SEPTIN9: variants seen among roughly 807,000 people sequenced by gnomAD.
The protein encoded by SEPTIN9 is septin-9.
A neutral mutation model predicts 56.6 loss-of-function variants in SEPTIN9; 13 were observed. The ratio of observed to expected loss-of-function variants is 0.23; its 90% CI spans 0.15 to 0.37. The LOEUF is 0.37. Ranked by LOEUF, SEPTIN9 falls within the 10% of genes least tolerant of loss-of-function variation. The pLI, the probability that SEPTIN9 is intolerant of heterozygous loss-of-function variation, is 1.00. For synonymous variants in SEPTIN9, 332 were observed against 334.1 expected (o/e 0.99, Z 0.07); for missense variants, 650 against 823.1 (o/e 0.79, Z 2.57).
At position 77,402,206 on chromosome 17, in the gene SEPTIN9, C is replaced by T. The variant is rs2035923133; in HGVS notation, c.224C>T (p.Ala75Val). The part of the protein sequence containing the change: ...DLGVKNSEPS[A>V]RHVDSLSQRS... ...GGCGTGAAGAACTCAGAACCCTCGG[C>T]CCGCCATGTGGACTCCCTAAGCCAA... Residue 75 changes from alanine (A) to valine (V), a missense_variant, in exon 3 of 12, where the codon GCC becomes GTC. Physicochemically the swap from Ala to Val is moderately conservative, Grantham distance 64 (BLOSUM62 0). This residue lies in a region of SEPTIN9 where 317 missense variants were observed against 329.1 expected (regional missense o/e 0.96). Transcript: ENST00000427177. The surrounding 1 kb of genome is among the most constrained non-coding windows in gnomAD (Gnocchi z 6.6). 6.2e-7 allele frequency: 1 copy of T among 1,613,586 alleles called. No homozygotes were observed. Among genetic ancestry groups the T allele is most frequent in the Non-Finnish European group, 8.5e-7 (1 of 1,179,888 alleles).
chr17:77,482,477 C>A, intron 4 of SEPTIN9, 142 bp downstream of exon 4: 1 of 867,494 alleles, frequency 1.2e-6, no homozygotes. Flanking sequence ...TTGCCAGTGA[C>A]ATTGCGTGTG....
At chr17:77,378,510 G>A (rs536797955) in intron 2 of SEPTIN9, among the ~76,000 whole-genome samples, 18 of 152,236 alleles carry the variant, frequency 1.2e-4, no homozygotes, top group Admixed American at 2.6e-4. Context: ...GCATCTGGGC[G>A]GGAAAAGGGG....
intron 2 of SEPTIN9, among the ~76,000 whole-genome samples, chr17:77,340,378 T>G (rs1168456745): frequency 1.3e-5 from 2 of 152,182 alleles, no homozygotes; most frequent in Non-Finnish European, 2.9e-5. Flanking sequence ...TGACCTCAAG[T>G]GATCCCCCCG....
chr17:77,404,882 G>GT (rs1357166700), intron 3 of SEPTIN9, among the ~76,000 whole-genome samples: 3 of 152,238 alleles, frequency 2.0e-5, no homozygotes, highest in African/African-American at 7.2e-5. Context: ...CTCAGTGACA[G>GT]TGGTTGCTGG....
intron 2 of SEPTIN9, among the ~76,000 whole-genome samples, chr17:77,362,146 G>T (rs2034438951): frequency 6.6e-6 from 1 of 152,248 alleles, no homozygotes; most frequent in South Asian, 2.1e-4. Flanking sequence ...ATGTGGATTT[G>T]GGGGCAGAGG....
At position 77,405,264 on chromosome 17, in the gene SEPTIN9, G is replaced by GCTT. The variant is rs1568042955; in HGVS notation, c.721+2562_721+2564dup. 2.6e-6 allele frequency: 2 copies of GCTT among 766,102 alleles called. No individual in the cohort carries two copies. Among genetic ancestry groups the GCTT allele is most frequent in the Non-Finnish European group, 4.2e-6 (2 of 481,108 alleles). 47.5% of individuals were successfully genotyped at this position (766,102 alleles called of 1,614,324 possible). ...CCCAGGGACACAACCTGCGGGCTCT[G>GCTT]CTTTCTGGAGCTCACCGAGCCGTGA... On this transcript the variant is annotated intron_variant, in intron 3 of 11. Transcript: ENST00000427177. The surrounding 1 kb of genome is among the most constrained non-coding windows in gnomAD (Gnocchi z 5.8).
At chr17:77,354,318 G>T (rs2034154020) in intron 2 of SEPTIN9, among the ~76,000 whole-genome samples, 1 of 152,158 alleles carries the variant, frequency 6.6e-6, no homozygotes, top group African/African-American at 2.4e-5. Context: ...TACCTTACAC[G>T]CACATGAACG....
At chr17:77,373,607 G>T (rs1251948649) in intron 2 of SEPTIN9, 36 of 1,530,846 alleles carry the variant, frequency 2.4e-5, no homozygotes, top group Non-Finnish European at 3.1e-5. Flanking sequence ...GACCCTGCGG[G>T]TGGGCCTGGC....
At position 77,450,484 on chromosome 17, in the gene SEPTIN9, G is replaced by T; in HGVS notation, c.722-31660G>T. On this transcript the variant is annotated intron_variant, in intron 3 of 11. Coordinates refer to ENST00000427177, the MANE Select transcript of SEPTIN9 (RefSeq NM_001113491.2). This position sits in a 1 kb window ranked among gnomAD's most constrained non-coding sequence, Gnocchi z 6.0. ...CCTCGGAACGAGCCCACTCCCAGGC[G>T]CTCTCTCCTAGTGTGGGAGTGGCCA... The T allele has an allele frequency of 3.0e-6, 3 of 985,260 alleles. No homozygotes were observed. The highest frequency in any genetic ancestry group is 2.3e-4 in the East Asian group (2 of 8,814). 61.0% of individuals were successfully genotyped at this position (985,260 alleles called of 1,614,324 possible).
At chr17:77,358,522 C>T (rs2034323679) in intron 2 of SEPTIN9, among the ~76,000 whole-genome samples, 1 of 151,970 alleles carries the variant, frequency 6.6e-6, no homozygotes, top group Admixed American at 6.6e-5. Flanking sequence ...TCAAGGAGAA[C>T]CCAGCTACCC....
intron 2 of SEPTIN9, among the ~76,000 whole-genome samples, chr17:77,361,558 T>C (rs2034417079): frequency 6.6e-6 from 1 of 151,880 alleles, no homozygotes; most frequent in African/African-American, 2.4e-5. Context: ...GGTCCCCAAT[T>C]GGACAAAGCT....
rs2033150049 is a variant in SEPTIN9 at position 77,326,580 on chromosome 17, C to G, written c.76+19383C>G. Among the ~76,000 whole-genome samples, 1 of 152,192 alleles carries G rather than the reference C, an allele frequency of 6.6e-6. No individual in the cohort carries two copies. The highest frequency in any genetic ancestry group is 2.1e-4 in the South Asian group (1 of 4,832). ...GCCGGCAGCACGGCAGGAAGTAAGA[C>G]TGGGGTTGAAAGAGACTGACTGTCA... On this transcript the variant is annotated intron_variant, in intron 2 of 11. Transcript: ENST00000427177. The surrounding 1 kb of genome is among the most constrained non-coding windows in gnomAD (Gnocchi z 5.1).
chr17:77,485,200 ATGG>A (rs2039710108), intron 4 of SEPTIN9, among the ~76,000 whole-genome samples: 1 of 93,718 alleles, frequency 1.1e-5, no homozygotes, highest in African/African-American at 4.5e-5. Flanking sequence ...GGTGGTGGTG[ATGG>A]TGATGATTGT....
Position 77,488,286 on chromosome 17 carries a change from A to T in SEPTIN9, c.1089A>T (p.Thr363=). 1 of 1,613,784 alleles carries T rather than the reference A, an allele frequency of 6.2e-7. No individual in the cohort carries two copies. The highest frequency in any genetic ancestry group is 1.1e-5 in the South Asian group (1 of 91,092). The change falls in exon 6 of 12, where the codon ACA becomes ACT. Residue 363 remains threonine, a synonymous_variant. Transcript: ENST00000427177. ...GGATGAAGCTGACAGTGATTGACAC[A>T]CCAGGGTTCGGGGACCACATCAACA... ...GVRMKLTVID[T]PGFGDHINNE... is the part of the protein sequence containing the mutation.
At chr17:77,414,558 T>G (rs1262769557) in intron 3 of SEPTIN9, among the ~76,000 whole-genome samples, 3 of 148,878 alleles carry the variant, frequency 2.0e-5, no homozygotes, top group African/African-American at 7.5e-5. Context: ...ATTTCCTTCC[T>G]ATCTGTGTGG....
In SEPTIN9 at chr17:77,451,416, G is replaced by C; in HGVS notation, c.722-30728G>C. 1.0e-6 allele frequency: 1 copy of C among 985,632 alleles called. No individual in the cohort carries two copies. Among genetic ancestry groups the C allele is most frequent in the Non-Finnish European group, 1.2e-6 (1 of 830,086 alleles). 61.1% of individuals were successfully genotyped at this position (985,632 alleles called of 1,614,324 possible). A position where few individuals can be genotyped will look rare whatever the true frequency, so the allele number is the denominator to read the frequency against. ...TGCCCCGCGCTCTGGGAGGCTCCTT[G>C]TTCCGCGACCACAAAGCCCCTTTGA... is the stretch of plus-strand genomic sequence containing the variant. On this transcript the variant is annotated intron_variant, in intron 3 of 11. Transcript: ENST00000427177. This position sits in a 1 kb window ranked among gnomAD's most constrained non-coding sequence, Gnocchi z 4.2.
chr17:77,354,543 G>A (rs571544198), intron 2 of SEPTIN9, among the ~76,000 whole-genome samples: 1 of 152,126 alleles, frequency 6.6e-6, no homozygotes, highest in Non-Finnish European at 1.5e-5. Context: ...AGGGCTGAAC[G>A]ACCCCTCACT....
At chr17:77,363,314 C>A (rs962357306) in intron 2 of SEPTIN9, among the ~76,000 whole-genome samples, 1 of 148,716 alleles carries the variant, frequency 6.7e-6, no homozygotes, top group Non-Finnish European at 1.5e-5. Context: ...TGACGTGATA[C>A]AATCTCAAAG....
chr17:77,454,096 G>GCTTTATT, intron 3 of SEPTIN9: 3 of 985,716 alleles, frequency 3.0e-6, no homozygotes, highest in Non-Finnish European at 3.6e-6. Flanking sequence ...TGAGAGTAGG[G>GCTTTATT]TCAATGGCCA....
Sources: gnomAD v4.1 joint callset for allele counts (sites outside exome capture counted in the v4.1 genomes callset) on GRCh38, gnomAD v4.1.1 for gene constraint, gnomAD v4.1.1 regional missense constraint, Gnocchi (gnomAD v3.1) non-coding constraint, MANE v1.5 for transcripts, NCBI Gene and HGNC (gene_info 2026-07-23, HGNC 2026-07-21) for gene names.